The following FGF14 variants were observed in gnomAD, a reference collection of about 807,000 sequenced individuals.
FGF14 encodes fibroblast growth factor 14, also known as fibroblast growth factor homologous factor 4.
FGF14 carries 5 observed loss-of-function variants against 25.5 expected under a neutral mutation model. That is an observed-to-expected ratio of 0.20 (90% CI 0.10 to 0.41). FGF14 has a LOEUF of 0.41. Ranked by LOEUF, FGF14 falls within the 10% of genes least tolerant of loss-of-function variation. The pLI is 1.00. For synonymous variants in FGF14, 138 were observed against 118.3 expected, an observed-to-expected ratio of 1.17 and a Z score of -1.08; for missense variants, 222 against 320.1, an observed-to-expected ratio of 0.69 and a Z score of 2.34.
At chr13:102,272,983 T>A (rs543859434) in intron 1 of FGF14, among the ~76,000 whole-genome samples, 19 of 152,282 alleles carry the variant, frequency 1.2e-4, no homozygotes, top group Admixed American at 1.0e-3. Flanking sequence ...TTTTTAAAAA[T>A]AAAGCAGGTT....
intron 1 of FGF14, among the ~76,000 whole-genome samples, chr13:101,879,624 A>C (rs568969441): frequency 6.6e-6 from 1 of 152,310 alleles, no homozygotes; most frequent in East Asian, 1.9e-4. Context: ...ACACTATGAC[A>C]TATGTTTTTC....
chr13:102,156,931 T>C lies in FGF14; in HGVS notation c.208+244540A>G, dbSNP rs529275166. ...AACTGCTTCAAAGAGAATAAAATACTTAGGAATCCAACTTACAAGGGATGT... is the reference window on the plus strand; with the variant it reads ...AACTGCTTCAAAGAGAATAAAATACCTAGGAATCCAACTTACAAGGGATGT... On this transcript the variant is annotated intron_variant, in intron 1 of 4. Coordinates refer to the FGF14 transcript ENST00000376131. 2.2e-3 allele frequency among the ~76,000 whole-genome samples: 335 copies of C among 152,184 alleles called. 1 individual carries two copies. Among genetic ancestry groups the C allele is most frequent in the Middle Eastern group, 0.014 (4 of 294 alleles).
Position 102,245,979 on chromosome 13 carries a change from T to C in FGF14, c.208+155492A>G, listed in dbSNP as rs1015046627. Among the ~76,000 whole-genome samples, 7 of 152,080 alleles carry C rather than the reference T, an allele frequency of 4.6e-5. No individual in the cohort carries two copies. The East Asian group carries it at 1.3e-3, about 29-fold the overall frequency. ...TACTTACCACTTGAAAAACTTGCAATTGATCACGATACATAAAACATTACC... is the reference window on the plus strand; with the variant it reads ...TACTTACCACTTGAAAAACTTGCAACTGATCACGATACATAAAACATTACC... On this transcript the variant is annotated intron_variant, in intron 1 of 4. Coordinates refer to the FGF14 transcript ENST00000376131.
At chr13:102,201,463 TAAG>T (rs986620436) in intron 1 of FGF14, among the ~76,000 whole-genome samples, 2 of 152,176 alleles carry the variant, frequency 1.3e-5, no homozygotes, top group African/African-American at 4.8e-5. Context: ...ATAAATTCCC[TAAG>T]AATAGGGATT....
chr13:102,379,421 CACA>C (rs2058125667), intron 1 of FGF14, among the ~76,000 whole-genome samples: 1 of 151,694 alleles, frequency 6.6e-6, no homozygotes, highest in African/African-American at 2.4e-5. Context: ...CATACACACA[CACA>C]CACACATATT....
chr13:101,934,514 C>A (rs1390378313), intron 1 of FGF14, among the ~76,000 whole-genome samples: 1 of 152,120 alleles, frequency 6.6e-6, no homozygotes, highest in Admixed American at 6.5e-5. Context: ...TTGATATGGG[C>A]AATGGTTACA....
At chr13:101,985,881 C>T (rs1365024536) in intron 1 of FGF14, among the ~76,000 whole-genome samples, 3 of 150,328 alleles carry the variant, frequency 2.0e-5, no homozygotes, top group Non-Finnish European at 2.9e-5. Flanking sequence ...AAAATAGCTT[C>T]TTATTAGGCT....
At chr13:102,062,952 T>A (rs1310459358) in intron 1 of FGF14, among the ~76,000 whole-genome samples, 1 of 152,236 alleles carries the variant, frequency 6.6e-6, no homozygotes, top group Non-Finnish European at 1.5e-5. Context: ...TAAAATAACA[T>A]CTGCATGAAG....
intron 3 of FGF14, among the ~76,000 whole-genome samples, chr13:101,798,466 T>C (rs191768323): frequency 3.7e-4 from 56 of 152,248 alleles, no homozygotes; most frequent in East Asian, 7.7e-4. Flanking sequence ...GGTGTCCTTA[T>C]TGACATTTTA....
intron 1 of FGF14, among the ~76,000 whole-genome samples, chr13:102,050,790 G>C (rs2042184970): frequency 6.6e-6 from 1 of 152,144 alleles, no homozygotes; most frequent in South Asian, 2.1e-4. Flanking sequence ...AAAAAACATA[G>C]AATATTGATA....
chr13:102,086,310 G>C (rs1278224220), intron 1 of FGF14, among the ~76,000 whole-genome samples: 5 of 152,104 alleles, frequency 3.3e-5, no homozygotes, highest in Non-Finnish European at 1.5e-5. Flanking sequence ...CACAAGGTCA[G>C]GAGATAGAGA....
At chr13:101,947,145 A>T (rs1358530310) in intron 1 of FGF14, among the ~76,000 whole-genome samples, 1 of 152,228 alleles carries the variant, frequency 6.6e-6, no homozygotes, top group East Asian at 1.9e-4. Context: ...ATACCATCTC[A>T]CTCCAGTCAG....
At chr13:101,878,029 A>G (rs1009798682) in intron 1 of FGF14, among the ~76,000 whole-genome samples, 8 of 152,168 alleles carry the variant, frequency 5.3e-5, no homozygotes, top group African/African-American at 1.9e-4. Context: ...ATGTCTGGAA[A>G]TATGCAGTGA....
At chr13:101,855,481 T>A (rs932693336) in intron 3 of FGF14, among the ~76,000 whole-genome samples, 18 of 151,968 alleles carry the variant, frequency 1.2e-4, no homozygotes, top group African/African-American at 3.6e-4. Flanking sequence ...TTGCCAGATA[T>A]GAAAAGTTTC....
chr13:101,766,172 T>C (rs1442164858), intron 3 of FGF14, among the ~76,000 whole-genome samples: 1 of 152,238 alleles, frequency 6.6e-6, no homozygotes, highest in Non-Finnish European at 1.5e-5. Context: ...AATGATATCA[T>C]TCAGGTGCAA....
In FGF14 at chr13:102,172,293, G is replaced by T. The variant is rs141631561; in HGVS notation, c.208+229178C>A. Among the ~76,000 whole-genome samples the T allele has an allele frequency of 2.5e-3, 384 of 152,092 alleles. 1 individual carries two copies. The highest frequency in any genetic ancestry group is 9.0e-3 in the African/African-American group (372 of 41,482). ...GCCAGCCTTTCCCCAGTCCAGTTTG[G>T]AATTACCTTCCTTCGACAATTTTAT... On this transcript the variant is annotated intron_variant, in intron 1 of 4. Transcript: ENST00000376131.
chr13:102,391,373 T>A (rs976573298), intron 1 of FGF14, among the ~76,000 whole-genome samples: 1 of 152,062 alleles, frequency 6.6e-6, no homozygotes, highest in African/African-American at 2.4e-5. Flanking sequence ...CCATACAGAG[T>A]CACATCTGCC....
chr13:102,063,375 G>T (rs967974639), intron 1 of FGF14, among the ~76,000 whole-genome samples: 2 of 152,178 alleles, frequency 1.3e-5, no homozygotes, highest in African/African-American at 2.4e-5. Context: ...AGCACTGTGA[G>T]AGGCCAAGAT....
At chr13:101,800,790 A>G (rs569383265) in intron 3 of FGF14, among the ~76,000 whole-genome samples, 148 of 152,262 alleles carry the variant, frequency 9.7e-4, no homozygotes, top group African/African-American at 3.4e-3. Flanking sequence ...TAGCAGGGAA[A>G]CTTTCACAAC....
Sources: allele counts gnomAD v4.1 joint callset (sites outside exome capture counted in the v4.1 genomes callset), GRCh38; gene constraint gnomAD v4.1.1; transcripts MANE v1.5; gene names NCBI Gene and HGNC (gene_info 2026-07-23, HGNC 2026-07-21).